ST3GAL1: variants seen among roughly 807,000 people sequenced by gnomAD.
ST3GAL1 encodes ST3 beta-galactoside alpha-2,3-sialyltransferase 1, also known as CMP-N-acetylneuraminate-beta-galactosamide-alpha-2,3-sialyltransferase 1.
Under a neutral mutation model 34.1 loss-of-function variants are expected in ST3GAL1, and 16 were observed. The ratio of observed to expected loss-of-function variants is 0.47; its 90% CI spans 0.32 to 0.71. The LOEUF is 0.71. Among genes scored for constraint, ST3GAL1 ranks in the 30% least tolerant of loss-of-function variants. The pLI is 0.04. For missense variants in ST3GAL1, 353 were observed against 447.4 expected, an observed-to-expected ratio of 0.79 and a Z score of 1.90; for synonymous variants, 191 against 184.7, an observed-to-expected ratio of 1.03 and a Z score of -0.28.
chr8:133,536,722 C>T (rs1052163992), intron 2 of ST3GAL1, among the ~76,000 whole-genome samples: 1 of 152,198 alleles, frequency 6.6e-6, no homozygotes, highest in Non-Finnish European at 1.5e-5. Context: ...TCAGCCTTTA[C>T]GATGGGCCAG....
intron 1 of ST3GAL1, among the ~76,000 whole-genome samples, chr8:133,554,347 C>T (rs16904947): frequency 0.18 from 27,088 of 152,168 alleles, 2,561 homozygotes; most frequent in South Asian, 0.32. Context: ...GAATGAGCCA[C>T]GTTTACACTG....
At position 133,466,036 on chromosome 8, in the gene ST3GAL1, A is replaced by G; in HGVS notation, c.361T>C (p.Phe121Leu). Reference protein sequence around the residue: ...NNLNDTIKELFRVVPGNVDPM... With the variant: ...NNLNDTIKELLRVVPGNVDPM... ...TCCACATTCCCAGGCACCACTCTGA[A>G]CAGCTCCTTGATGGTGTCATTCAAG... The change falls in exon 6 of 10, where the codon TTC becomes CTC. Residue 121 changes from phenylalanine (F) to leucine (L), a missense_variant. Phe to Leu is a conservative substitution (Grantham distance 22). Transcript: ENST00000522652. The surrounding 1 kb of genome is among the most constrained non-coding windows in gnomAD (Gnocchi z 4.4). The G allele has an allele frequency of 1.2e-6, 2 of 1,614,126 alleles. No individual in the cohort carries two copies. Among genetic ancestry groups the G allele is most frequent in the South Asian group, 1.1e-5 (1 of 91,088 alleles).
At chr8:133,480,144 A>G (rs1007353624) in intron 3 of ST3GAL1, among the ~76,000 whole-genome samples, 2 of 152,198 alleles carry the variant, frequency 1.3e-5, no homozygotes, top group Non-Finnish European at 2.9e-5. Flanking sequence ...TCCTCTGCCA[A>G]ATGGCAGTCA....
At chr8:133,485,971 G>A (rs1401833315) in intron 3 of ST3GAL1, among the ~76,000 whole-genome samples, 1 of 152,188 alleles carries the variant, frequency 6.6e-6, no homozygotes, top group Non-Finnish European at 1.5e-5. Context: ...TCAACACTGA[G>A]GACACCTACC....
In ST3GAL1 at chr8:133,478,456, C is replaced by A. The variant is rs930275245; in HGVS notation, c.-373-1856G>T. Among the ~76,000 whole-genome samples the A allele has an allele frequency of 3.2e-4, 48 of 152,208 alleles. 1 individual carries two copies. The highest frequency in any genetic ancestry group is 8.8e-5 in the Non-Finnish European group (6 of 68,044). On this transcript the variant is annotated intron_variant, in intron 3 of 9. Coordinates refer to ENST00000522652, the MANE Select transcript of ST3GAL1 (RefSeq NM_173344.3). ...AGCTGAACAACCCGAACAAATGGTGCTAAATCCCTGATCCTGCTCAACCTG... is the reference window on the plus strand; with the variant it reads ...AGCTGAACAACCCGAACAAATGGTGATAAATCCCTGATCCTGCTCAACCTG...
chr8:133,534,953 G>A (rs79585984), intron 2 of ST3GAL1, among the ~76,000 whole-genome samples: 13,755 of 152,266 alleles, frequency 0.09, 1,451 homozygotes, highest in African/African-American at 0.25. Flanking sequence ...GTGCAGCAGG[G>A]GAAAAGGAAA....
chr8:133,548,511 A>C (rs1463313453), intron 1 of ST3GAL1, among the ~76,000 whole-genome samples: 2 of 152,164 alleles, frequency 1.3e-5, no homozygotes, highest in Admixed American at 1.3e-4. Flanking sequence ...CCTACATACC[A>C]CTGTGCCCTC....
At chr8:133,471,376 C>T (rs1318798298) in intron 5 of ST3GAL1, among the ~76,000 whole-genome samples, 5 of 152,194 alleles carry the variant, frequency 3.3e-5, no homozygotes, top group Non-Finnish European at 7.3e-5. Flanking sequence ...ACAGGCGGTG[C>T]TTAGAAATGG....
At chr8:133,480,612 G>A (rs1272985142) in intron 3 of ST3GAL1, among the ~76,000 whole-genome samples, 1 of 152,150 alleles carries the variant, frequency 6.6e-6, no homozygotes, top group Non-Finnish European at 1.5e-5. Context: ...CAGGAGAGGT[G>A]GGTAACCCTT....
intron 1 of ST3GAL1, among the ~76,000 whole-genome samples, chr8:133,563,728 C>T (rs1474008288): frequency 6.6e-6 from 1 of 152,200 alleles, no homozygotes; most frequent in East Asian, 1.9e-4. Context: ...TGAACCTTTG[C>T]TCATTATAAT....
chr8:133,568,928 G>A (rs968945294), intron 1 of ST3GAL1, among the ~76,000 whole-genome samples: 2 of 152,144 alleles, frequency 1.3e-5, no homozygotes, highest in Non-Finnish European at 2.9e-5. Context: ...CCAGATCAGC[G>A]ACAGCCAATG....
In ST3GAL1 at chr8:133,541,090, TATAAAC is replaced by T. The variant is rs1255105545; in HGVS notation, c.-429+4678_-429+4683del. Among the ~76,000 whole-genome samples the T allele has an allele frequency of 1.3e-3, 113 of 84,478 alleles. 3 individuals carry two copies. The highest frequency in any genetic ancestry group is 1.8e-3 in the Non-Finnish European group (81 of 44,964). 55.4% of individuals were successfully genotyped at this position (84,478 alleles called of 152,430 possible). On this transcript the variant is annotated intron_variant, in intron 2 of 9. Transcript: ENST00000522652. ...ATAGACATATATATAGACATATATA[TATAAAC>T]ATATATATATATATATATATATATA... is the stretch of plus-strand genomic sequence containing the variant.
At chr8:133,548,962 T>C (rs1818748488) in intron 1 of ST3GAL1, among the ~76,000 whole-genome samples, 1 of 152,212 alleles carries the variant, frequency 6.6e-6, no homozygotes, top group South Asian at 2.1e-4. Context: ...TGTGGCTGAT[T>C]TATAACTCCG....
intron 5 of ST3GAL1, among the ~76,000 whole-genome samples, chr8:133,472,680 C>T (rs905889705): frequency 6.6e-6 from 1 of 152,154 alleles, no homozygotes; most frequent in Non-Finnish European, 1.5e-5. Flanking sequence ...AAGCCCTGCT[C>T]CTTTCTGTTG....
rs12675565 is a variant in ST3GAL1, at chr8:133,523,803, C to T, written c.-429+21971G>A. 0.018 allele frequency among the ~76,000 whole-genome samples: 2,778 copies of T among 152,330 alleles called. 142 individuals are homozygous for T. The East Asian group carries it at 0.21, about 12-fold the overall frequency. ...GTCTCTATCCCTCGTCCTCGTCTCT[C>T]GAAGTGGGAGTGTATTTTTTCACCC... is the stretch of plus-strand genomic sequence containing the variant. On this transcript the variant is annotated intron_variant, in intron 2 of 9. Coordinates refer to ENST00000522652, the MANE Select transcript of ST3GAL1 (RefSeq NM_173344.3).
chr8:133,471,815 G>T (rs539056436), intron 5 of ST3GAL1, among the ~76,000 whole-genome samples: 1 of 152,192 alleles, frequency 6.6e-6, no homozygotes, highest in South Asian at 2.1e-4. Context: ...CAGTATGATG[G>T]TATTATTTTG....
chr8:133,565,935 T>G (rs534464777), intron 1 of ST3GAL1, among the ~76,000 whole-genome samples: 1 of 152,310 alleles, frequency 6.6e-6, no homozygotes, highest in South Asian at 2.1e-4. Flanking sequence ...TCCAGAGCCC[T>G]CTCTAACAGT....
intron 1 of ST3GAL1, among the ~76,000 whole-genome samples, chr8:133,560,477 C>A (rs530261567): frequency 1.3e-5 from 2 of 152,202 alleles, no homozygotes; most frequent in Non-Finnish European, 2.9e-5. Flanking sequence ...GAGCCCCAGG[C>A]TTTGGGAGAA....
At chr8:133,484,026 G>A (rs1816489853) in intron 3 of ST3GAL1, among the ~76,000 whole-genome samples, 1 of 152,272 alleles carries the variant, frequency 6.6e-6, no homozygotes, top group South Asian at 2.1e-4. Flanking sequence ...CACAACCTCC[G>A]ACTGCCAGTC....
Sources: allele counts gnomAD v4.1 joint callset (sites outside exome capture counted in the v4.1 genomes callset), GRCh38; gene constraint gnomAD v4.1.1; non-coding constraint Gnocchi (gnomAD v3.1); transcripts MANE v1.5; gene names NCBI Gene and HGNC (gene_info 2026-07-23, HGNC 2026-07-21).